The following SYNE1 variants were observed in gnomAD, a reference collection of about 807,000 sequenced individuals.
SYNE1 encodes the protein nesprin-1.
SYNE1 carries 616 observed loss-of-function variants against 1,111.0 expected under a neutral mutation model. The ratio of observed to expected loss-of-function variants is 0.55; its 90% CI spans 0.52 to 0.59. The LOEUF (loss-of-function observed/expected upper bound fraction) is 0.59. Ranked by LOEUF, SYNE1 falls within the 20% of genes least tolerant of loss-of-function variation. SYNE1 has a pLI of 0.00. For synonymous variants in SYNE1, 3,855 were observed against 3,825.8 expected (o/e 1.01, Z -0.28); for missense variants, 10,006 against 10,417.0 (o/e 0.96, Z 1.72).
intron 48 of SYNE1, 124 bp from the exon 49 acceptor site, chr6:152,398,855 CA>C: frequency 1.5e-6 from 1 of 660,936 alleles, no homozygotes; most frequent in Admixed American, 2.6e-5. Context: ...TCTTGCCTTA[CA>C]AAATATTCCA....
chr6:152,391,896 C>T (rs542570942), intron 51 of SYNE1, among the ~76,000 whole-genome samples: 5 of 152,278 alleles, frequency 3.3e-5, no homozygotes, highest in Middle Eastern at 3.4e-3. Flanking sequence ...CAGGCTTCTC[C>T]GTAGCATCTC....
intron 130 of SYNE1, chr6:152,167,648 C>A (rs527802493): frequency 4.7e-5 from 21 of 442,366 alleles, no homozygotes; most frequent in African/African-American, 4.1e-4. Context: ...AAACACACAG[C>A]ATTTTCTAGA....
intron 22 of SYNE1, 71 bp downstream of exon 22, chr6:152,458,686 C>A (rs1434294412): frequency 6.6e-7 from 1 of 1,526,442 alleles, no homozygotes; most frequent in Non-Finnish European, 9.1e-7. Context: ...AATTTCTATT[C>A]CTGTAAGCAA....
intron 132 of SYNE1, 41 bp downstream of exon 132, chr6:152,155,869 G>T (rs1586405737): frequency 6.2e-7 from 1 of 1,608,564 alleles, no homozygotes; most frequent in South Asian, 1.1e-5. Flanking sequence ...TTTTCTTTTT[G>T]GTCTTTCCTC....
rs145571408 is a variant in SYNE1 at position 152,451,761 on chromosome 6, G to A, written c.3028-556C>T. On this transcript the variant is annotated intron_variant, in intron 25 of 145. Transcript: ENST00000367255. ...TTCCCAAAGTGCTGGGATTATAGGC[G>A]TGAGCCACTAAGTCTGGCCAGTGCT... 3.4e-3 allele frequency among the ~76,000 whole-genome samples: 513 copies of A among 152,096 alleles called. 4 individuals carry two copies. The highest frequency in any genetic ancestry group is 0.01 in the African/African-American group (427 of 41,486).
intron 59 of SYNE1, among the ~76,000 whole-genome samples, chr6:152,370,228 T>C (rs575930451): frequency 6.6e-6 from 1 of 152,256 alleles, no homozygotes; most frequent in African/African-American, 2.4e-5. Context: ...TACTTCATCA[T>C]AGACTAGGTT....
At chr6:152,577,636 G>A (rs897951378) in intron 3 of SYNE1, among the ~76,000 whole-genome samples, 13 of 151,786 alleles carry the variant, frequency 8.6e-5, no homozygotes, top group Admixed American at 7.9e-4. Flanking sequence ...CCATCTCAAC[G>A]ACAACAAAAG....
intron 16 of SYNE1, among the ~76,000 whole-genome samples, chr6:152,467,985 A>G (rs2098781525): frequency 6.6e-6 from 1 of 152,166 alleles, no homozygotes; most frequent in Non-Finnish European, 1.5e-5. Context: ...GTTTAAAATA[A>G]TAATAACAAG....
rs778475037 is a variant in SYNE1 at position 152,334,250 on chromosome 6, G to C, written c.12552C>G (p.Ser4184Arg). 2 of 1,613,772 alleles carry C rather than the reference G, an allele frequency of 1.2e-6. No individual in the cohort carries two copies. Among genetic ancestry groups the C allele is most frequent in the Admixed American group, 1.7e-5 (1 of 59,998 alleles). ...TTATGGTGTTCACGGATGCCTGTTT[G>C]CTCTGTAGTTTCTTAACAAAATCCT... Reference protein sequence around the residue: ...QVKDFVKKLQSKQASVNTIIE... With the variant: ...QVKDFVKKLQRKQASVNTIIE... Residue 4184 changes from serine (S) to arginine (R), a missense_variant, in exon 77 of 146, where the codon AGC becomes AGG. Ser to Arg is a moderately radical substitution (Grantham distance 110). Transcript: ENST00000367255.
chr6:152,447,574 T>C lies in SYNE1; in HGVS notation c.3553A>G (p.Lys1185Glu). Residue 1185 changes from lysine to glutamate, a missense_variant, in exon 29 of 146, where the codon AAA (lysine) becomes GAA (glutamate). Lys to Glu is a moderately conservative substitution (Grantham distance 56). This residue lies in a region of SYNE1 where 1,971 missense variants were observed against 2,084.1 expected (regional missense o/e 0.95). Coordinates refer to ENST00000367255, the MANE Select transcript of SYNE1 (RefSeq NM_182961.4). ...TCTGTCAAAACTTTCAGCCTGGATT[T>C]CAGCCAGCTGAGGGTCTCACCCCTT... is the stretch of plus-strand genomic sequence containing the variant. ...TKRGETLSWL[K>E]SRLKVLTEVS... 1 of 1,614,228 alleles carries C rather than the reference T, an allele frequency of 6.2e-7. No homozygotes were observed.
rs777227521 is a variant in SYNE1 at position 152,225,750 on chromosome 6, C to T, written c.21322G>A (p.Gly7108Ser). The change falls in exon 116 of 146, where the codon GGC (glycine) becomes AGC (serine). Residue 7108 changes from glycine (G) to serine (S), a missense_variant. Around this residue, in one of 7 missense-constraint regions of SYNE1, gnomAD observed 2,182 missense variants for 2,287.8 expected, o/e 0.95. Coordinates refer to ENST00000367255, the MANE Select transcript of SYNE1 (RefSeq NM_182961.4). ...TGATCTAAATTTGCCCAGGTTTGGCCGAGCTCTCGCAGTGTGCTCATGACA... is the reference window on the plus strand; with the variant it reads ...TGATCTAAATTTGCCCAGGTTTGGCTGAGCTCTCGCAGTGTGCTCATGACA... Reference protein sequence around the residue: ...SIVMSTLRELGQTWANLDHMV... With the variant: ...SIVMSTLRELSQTWANLDHMV... 210 of 1,613,960 alleles carry T rather than the reference C, an allele frequency of 1.3e-4. No individual in the cohort carries two copies. The highest frequency in any genetic ancestry group is 1.6e-4 in the Non-Finnish European group (192 of 1,180,002).
chr6:152,220,966 T>C lies in SYNE1; in HGVS notation c.21737A>G (p.Asp7246Gly), dbSNP rs1408301596. Reference sequence around the variant, plus strand: ...TGTCGAAGCACACTGTTTGGAGTAGTCCTTGTATCTTTGCCAAAGCTGAAG... The same window carrying C: ...TGTCGAAGCACACTGTTTGGAGTAGCCCTTGTATCTTTGCCAAAGCTGAAG... ...ALLQLWQRYK[D>G]YSKQCASTVQ... is the part of the protein sequence containing the mutation. The change falls in exon 119 of 146, where the codon GAC becomes GGC. Residue 7246 changes from aspartate to glycine, a missense_variant. Physicochemically the swap from Asp to Gly is moderately conservative, Grantham distance 94 (BLOSUM62 -1). This residue lies in a region of SYNE1 where 2,182 missense variants were observed against 2,287.8 expected (regional missense o/e 0.95). Coordinates refer to ENST00000367255, the MANE Select transcript of SYNE1 (RefSeq NM_182961.4). 6.2e-7 allele frequency: 1 copy of C among 1,614,068 alleles called. No homozygotes were observed. Among genetic ancestry groups the C allele is most frequent in the Non-Finnish European group, 8.5e-7 (1 of 1,180,014 alleles).
intron 108 of SYNE1, among the ~76,000 whole-genome samples, chr6:152,238,449 A>G (rs2084743148): frequency 6.6e-6 from 1 of 152,252 alleles, no homozygotes. Flanking sequence ...AATAAAGTGT[A>G]ACTATTATTA....
chr6:152,166,854 T>C lies in SYNE1; in HGVS notation c.23628-2529A>G, dbSNP rs1028025427. 3.3e-5 allele frequency among the ~76,000 whole-genome samples: 5 copies of C among 152,350 alleles called. No individual in the cohort carries two copies. The South Asian group carries it at 1.0e-3, about 32-fold the overall frequency. ...TGTAGGGCATGGGTAGTAGGATTAA[T>C]AAGCCTTGGCTTATTAAACTTGACA... On this transcript the variant is annotated intron_variant, in intron 130 of 145. Transcript: ENST00000367255.
At chr6:152,561,949 T>TAAA (rs1484075179) in intron 3 of SYNE1, among the ~76,000 whole-genome samples, 1 of 152,174 alleles carries the variant, frequency 6.6e-6, no homozygotes, top group African/African-American at 2.4e-5. Context: ...CCTGAAATCA[T>TAAA]AAATGTACTA....
intron 58 of SYNE1, among the ~76,000 whole-genome samples, chr6:152,374,922 A>ATTATT (rs140950913): frequency 0.15 from 23,045 of 149,690 alleles, 2,391 homozygotes; most frequent in African/African-American, 0.29. Context: ...TTTTTAGTTT[A>ATTATT]TTATTTTATT....
intron 3 of SYNE1, among the ~76,000 whole-genome samples, chr6:152,620,415 C>T (rs1166689293): frequency 3.3e-5 from 5 of 152,182 alleles, no homozygotes; most frequent in Admixed American, 6.5e-5. Context: ...TGCTGTGTCT[C>T]CTCCATTGAT....
At chr6:152,349,948 C>T (rs1021199119) in intron 72 of SYNE1, among the ~76,000 whole-genome samples, 3 of 152,144 alleles carry the variant, frequency 2.0e-5, no homozygotes, top group African/African-American at 7.2e-5. Flanking sequence ...AACTGTAAGT[C>T]CAACAAACCT....
intron 22 of SYNE1, 29 bp downstream of exon 22, chr6:152,458,728 A>T: frequency 6.2e-7 from 1 of 1,611,474 alleles, no homozygotes; most frequent in Non-Finnish European, 8.5e-7. Context: ...GCTTTAGAAT[A>T]ATTGTCTCCT....
Sources: gnomAD v4.1 joint callset for allele counts (sites outside exome capture counted in the v4.1 genomes callset) on GRCh38, gnomAD v4.1.1 for gene constraint, gnomAD v4.1.1 regional missense constraint, MANE v1.5 for transcripts, NCBI Gene and HGNC (gene_info 2026-07-23, HGNC 2026-07-21) for gene names.